ADAM32: variants seen among roughly 807,000 people sequenced by gnomAD.
ADAM32 encodes disintegrin and metalloproteinase domain-containing protein 32.
In ADAM32, 89 loss-of-function variants were observed where a neutral mutation model predicts 114.9. That is an observed-to-expected ratio of 0.77 (90% CI 0.65 to 0.92). The LOEUF (loss-of-function observed/expected upper bound fraction) is 0.92. ADAM32 is among the 40% of genes least tolerant of loss of function. The pLI, the probability that ADAM32 is intolerant of heterozygous loss-of-function variation, is 0.00. For missense variants in ADAM32, 870 were observed against 932.8 expected, an observed-to-expected ratio of 0.93 and a Z score of 0.88; for synonymous variants, 285 against 307.5, an observed-to-expected ratio of 0.93 and a Z score of 0.77.
chr8:39,213,613 T>C lies in ADAM32; in HGVS notation c.1233+2289T>C, dbSNP rs530806241. Reference sequence around the variant, plus strand: ...TTTGATACAGGCATGCTATGCATAATAATCACATGAAGGTAAATGAGGTAT... The same window carrying C: ...TTTGATACAGGCATGCTATGCATAACAATCACATGAAGGTAAATGAGGTAT... On this transcript the variant is annotated intron_variant, in intron 12 of 24. Transcript: ENST00000379907. Among the ~76,000 whole-genome samples the C allele has an allele frequency of 2.5e-4, 38 of 152,310 alleles. No individual in the cohort carries two copies. In the South Asian group the frequency reaches 7.9e-3, roughly 32 times the overall value.
intron 1 of ADAM32, among the ~76,000 whole-genome samples, chr8:39,109,170 T>C (rs1840050318): frequency 6.6e-6 from 1 of 152,212 alleles, no homozygotes; most frequent in African/African-American, 2.4e-5. Context: ...AGAGCTTTTG[T>C]TTATGTGGAT....
At chr8:39,192,174 T>C (rs1313322940) in intron 11 of ADAM32, among the ~76,000 whole-genome samples, 3 of 152,236 alleles carry the variant, frequency 2.0e-5, no homozygotes, top group African/African-American at 7.2e-5. Flanking sequence ...CTTGTGTGCA[T>C]AGAGGTGTTT....
At chr8:39,243,956 G>A (rs1810729348) in intron 16 of ADAM32, among the ~76,000 whole-genome samples, 1 of 152,108 alleles carries the variant, frequency 6.6e-6, no homozygotes, top group Admixed American at 6.5e-5. Flanking sequence ...CAAAAGTAAT[G>A]TACACAAATC....
At chr8:39,166,773 A>G (rs1288680719) in intron 9 of ADAM32, 2 of 151,902 alleles carry the variant, frequency 1.3e-5, no homozygotes, top group African/African-American at 4.8e-5. Context: ...TTTGATTTGC[A>G]TTTCCCTGCT....
intron 22 of ADAM32, among the ~76,000 whole-genome samples, chr8:39,279,866 C>T (rs1278224468): frequency 2.6e-5 from 4 of 152,086 alleles, no homozygotes; most frequent in African/African-American, 9.7e-5. Context: ...TTCTGCATGC[C>T]CTGAGTTGTA....
chr8:39,177,749 T>C (rs980448891), intron 10 of ADAM32, among the ~76,000 whole-genome samples: 1 of 148,422 alleles, frequency 6.7e-6, no homozygotes, highest in African/African-American at 2.4e-5. Context: ...AAAAGGATCT[T>C]ATTTCTCTTT....
intron 14 of ADAM32, among the ~76,000 whole-genome samples, chr8:39,228,715 C>A (rs1809551202): frequency 6.6e-6 from 1 of 152,154 alleles, no homozygotes; most frequent in Non-Finnish European, 1.5e-5. Flanking sequence ...ATAATTGGGG[C>A]TCCTGAGTAA....
In ADAM32 at chr8:39,281,142, A is replaced by G; in HGVS notation, c.2286A>G (p.Lys762=). ...SSSQADTSKS[K]SEDSAEAYTS... ...GTTTTTAATTTATTTTTAGATCCAA[A>G]TCAGAAGATAGTGCTGAAGCATATA... Residue 762 remains lysine (K), a synonymous_variant, in exon 23 of 25, where the codon AAA becomes AAG. Coordinates refer to ENST00000379907, the MANE Select transcript of ADAM32 (RefSeq NM_145004.7). The G allele has an allele frequency of 2.2e-6, 3 of 1,342,938 alleles. No homozygotes were observed. Among genetic ancestry groups the G allele is most frequent in the Non-Finnish European group, 2.9e-6 (3 of 1,024,878 alleles). 83.2% of individuals were successfully genotyped at this position (1,342,938 alleles called of 1,614,324 possible). A position where few individuals can be genotyped will look rare whatever the true frequency, so the allele number is the denominator to read the frequency against.
chr8:39,123,491 G>T (rs1388274242), intron 2 of ADAM32, among the ~76,000 whole-genome samples: 1 of 152,048 alleles, frequency 6.6e-6, no homozygotes, highest in Non-Finnish European at 1.5e-5. Context: ...ATTCTTCCTT[G>T]TGGTTCCCTC....
rs186845558 is a variant in ADAM32 at position 39,176,724 on chromosome 8, C to T, written c.915+6727C>T. 1.2e-4 allele frequency among the ~76,000 whole-genome samples: 18 copies of T among 152,246 alleles called. 1 individual carries two copies. The East Asian group carries it at 3.3e-3, about 28-fold the overall frequency. On this transcript the variant is annotated intron_variant, in intron 10 of 24. Coordinates refer to ENST00000379907, the MANE Select transcript of ADAM32 (RefSeq NM_145004.7). ...GGTCCACTTGATCCAGAGCTGAGTTCAAGTCCTGTATATCTTTGTTAATTT... is the reference window on the plus strand; with the variant it reads ...GGTCCACTTGATCCAGAGCTGAGTTTAAGTCCTGTATATCTTTGTTAATTT...
chr8:39,167,955 T>G (rs939008821), intron 9 of ADAM32: 1 of 152,168 alleles, frequency 6.6e-6, no homozygotes, highest in African/African-American at 2.4e-5. Context: ...TCTTTAGCAT[T>G]TTCAAGGTAA....
chr8:39,136,909 G>A (rs1008494377), intron 3 of ADAM32, among the ~76,000 whole-genome samples, 191 bp downstream of exon 3: 4 of 152,150 alleles, frequency 2.6e-5, no homozygotes, highest in Non-Finnish European at 5.9e-5. Flanking sequence ...GTAAATGGGA[G>A]TTAGGACAAA....
chr8:39,184,949 C>T (rs1225923146), intron 10 of ADAM32, among the ~76,000 whole-genome samples: 2 of 152,276 alleles, frequency 1.3e-5, no homozygotes, highest in South Asian at 4.1e-4. Flanking sequence ...GCCGCATGGC[C>T]TGTAACACTC....
At chr8:39,151,782 A>G (rs1181890207) in intron 6 of ADAM32, among the ~76,000 whole-genome samples, 1 of 150,046 alleles carries the variant, frequency 6.7e-6, no homozygotes, top group African/African-American at 2.5e-5. Context: ...TCCCACCTCA[A>G]TCTCCTGAGT....
In ADAM32 at chr8:39,223,053, G is replaced by A. The variant is rs375403838; in HGVS notation, c.1340G>A (p.Gly447Asp). The change falls in exon 14 of 25, where the codon GGC (glycine) becomes GAC (aspartate). Residue 447 changes from glycine to aspartate, a missense_variant. Physicochemically the swap from Gly to Asp is moderately conservative, Grantham distance 94. Coordinates refer to ENST00000379907, the MANE Select transcript of ADAM32 (RefSeq NM_145004.7). ...CCKDCQILQS[G>D]VECRPKAHPE... Reference sequence around the variant, plus strand: ...AACTTCTCTTAGATTTTACAATCAGGCGTTGAATGTAGGCCGAAAGCACAT... The same window carrying A: ...AACTTCTCTTAGATTTTACAATCAGACGTTGAATGTAGGCCGAAAGCACAT... 4 of 1,579,710 alleles carry A rather than the reference G, an allele frequency of 2.5e-6. No homozygotes were observed. The highest frequency in any genetic ancestry group is 1.4e-5 in the African/African-American group (1 of 73,678).
intron 18 of ADAM32, among the ~76,000 whole-genome samples, chr8:39,256,337 C>T (rs1412619533): frequency 6.6e-6 from 1 of 151,980 alleles, no homozygotes; most frequent in African/African-American, 2.4e-5. Flanking sequence ...ATGACATTTT[C>T]TCTGTGTCTA....
At chr8:39,204,364 G>C (rs181740524) in intron 11 of ADAM32, among the ~76,000 whole-genome samples, 1 of 151,880 alleles carries the variant, frequency 6.6e-6, no homozygotes, top group Non-Finnish European at 1.5e-5. Flanking sequence ...CTTCTTTCTC[G>C]CTTCATTTCA....
intron 21 of ADAM32, 69 bp downstream of exon 21, chr8:39,274,419 T>C: frequency 6.6e-7 from 1 of 1,510,942 alleles, no homozygotes; most frequent in East Asian, 2.3e-5. Flanking sequence ...ATTCACAATT[T>C]ATTTCTAAAT....
chr8:39,244,123 C>A (rs1022580663), intron 16 of ADAM32, among the ~76,000 whole-genome samples: 1 of 152,076 alleles, frequency 6.6e-6, no homozygotes, highest in African/African-American at 2.4e-5. Context: ...ATAGATGACA[C>A]AAACAAATGA....
Sources: gnomAD v4.1 joint callset for allele counts (sites outside exome capture counted in the v4.1 genomes callset) on GRCh38, gnomAD v4.1.1 for gene constraint, MANE v1.5 for transcripts, NCBI Gene and HGNC (gene_info 2026-07-23, HGNC 2026-07-21) for gene names.